Variants in CACNA1E observed in about 807,000 individuals in gnomAD.
CACNA1E encodes the protein calcium voltage-gated channel subunit alpha1 E, also known as voltage-dependent R-type calcium channel subunit alpha-1E.
Under a neutral mutation model 259.2 loss-of-function variants are expected in CACNA1E, and 40 were observed. The observed-to-expected ratio is 0.15, with a 90% confidence interval of 0.12 to 0.20. The LOEUF (loss-of-function observed/expected upper bound fraction) is 0.20. Ranked by LOEUF, CACNA1E falls within the 10% of genes least tolerant of loss-of-function variation. The probability of loss-of-function intolerance (pLI) is 1.00; values close to 1 mark genes in which losing one functional copy is unlikely to be tolerated. For synonymous variants in CACNA1E, 1,104 were observed against 1,138.5 expected (o/e 0.97, Z 0.61); for missense variants, 1,874 against 3,040.1 (o/e 0.62, Z 9.02).
intron 3 of CACNA1E, among the ~76,000 whole-genome samples, chr1:181,549,646 C>G (rs1371314301): frequency 6.6e-6 from 1 of 152,126 alleles, no homozygotes; most frequent in Non-Finnish European, 1.5e-5. Context: ...GGGGAGTTGC[C>G]CATGGGTTCC....
chr1:181,397,694 G>A (rs1316943035), intron 1 of CACNA1E, among the ~76,000 whole-genome samples: 4 of 152,202 alleles, frequency 2.6e-5, no homozygotes, highest in African/African-American at 4.8e-5. Flanking sequence ...CATCAGCGAT[G>A]CTTAGAATCC....
At chr1:181,342,969 G>A (rs1360275935) in intron 1 of CACNA1E, among the ~76,000 whole-genome samples, 2 of 152,104 alleles carry the variant, frequency 1.3e-5, no homozygotes, top group Admixed American at 6.6e-5. Flanking sequence ...AAGAGCCAGG[G>A]GAGAGGACTA....
chr1:181,616,577 G>A (rs1448872280), intron 6 of CACNA1E, among the ~76,000 whole-genome samples: 1 of 152,106 alleles, frequency 6.6e-6, no homozygotes, highest in Non-Finnish European at 1.5e-5. Context: ...AGCTGGGTGT[G>A]GTGGTGCACA....
intron 1 of CACNA1E, among the ~76,000 whole-genome samples, chr1:181,497,753 A>G (rs954039639): frequency 6.6e-6 from 1 of 152,212 alleles, no homozygotes; most frequent in Non-Finnish European, 1.5e-5. Context: ...CTAACAGAGT[A>G]TCTTTTTAGG....
At chr1:181,766,852 A>T (rs1426325430) in intron 35 of CACNA1E, among the ~76,000 whole-genome samples, 2 of 152,198 alleles carry the variant, frequency 1.3e-5, no homozygotes, top group Non-Finnish European at 2.9e-5. Context: ...TTGTCAGATC[A>T]TGGTGCTAAT....
At chr1:181,571,762 G>A (rs79219598) in intron 3 of CACNA1E, among the ~76,000 whole-genome samples, 62 of 152,256 alleles carry the variant, frequency 4.1e-4, no homozygotes, top group African/African-American at 1.3e-3. Flanking sequence ...TGTTGGTATC[G>A]ATATGGGTAA....
rs139097315 is a variant in CACNA1E, at chr1:181,438,551, A to G, written c.434+24971A>G. ...TAAATCATCAGGTGGGGAGTGGGAA[A>G]GTCTAAATCAAAGACTGTCATTCAG... On this transcript the variant is annotated intron_variant, in intron 2 of 11. Coordinates refer to the CACNA1E transcript ENST00000524607. 3.6e-4 allele frequency among the ~76,000 whole-genome samples: 55 copies of G among 152,318 alleles called. No homozygotes were observed. The East Asian group carries it at 9.1e-3, about 25-fold the overall frequency.
At chr1:181,649,798 A>G (rs1180887716) in intron 6 of CACNA1E, among the ~76,000 whole-genome samples, 1 of 152,208 alleles carries the variant, frequency 6.6e-6, no homozygotes, top group Non-Finnish European at 1.5e-5. Context: ...TGGGGGATAA[A>G]TGATGAGAAC....
intron 35 of CACNA1E, among the ~76,000 whole-genome samples, chr1:181,768,351 A>G (rs866908785): frequency 7.2e-5 from 11 of 152,332 alleles, no homozygotes; most frequent in Non-Finnish European, 1.6e-4. Flanking sequence ...GAGAGTGAGC[A>G]TGTCCAGGCA....
intron 3 of CACNA1E, among the ~76,000 whole-genome samples, chr1:181,525,716 CTG>C (rs1667302435): frequency 6.6e-6 from 1 of 152,198 alleles, no homozygotes; most frequent in Admixed American, 6.5e-5. Context: ...TAGTTATGAA[CTG>C]TGTGCAACTA....
At chr1:181,509,500 A>G (rs1395013694) in intron 1 of CACNA1E, among the ~76,000 whole-genome samples, 1 of 152,162 alleles carries the variant, frequency 6.6e-6, no homozygotes, top group Non-Finnish European at 1.5e-5. Flanking sequence ...GTTGCTCAGC[A>G]AGACCAGCTG....
chr1:181,777,584 G>A (rs1416980438), intron 38 of CACNA1E, among the ~76,000 whole-genome samples: 1 of 152,202 alleles, frequency 6.6e-6, no homozygotes, highest in African/African-American at 2.4e-5. Context: ...GCAATGGGCA[G>A]TGTGTTAGAG....
At chr1:181,477,645 C>T (rs56187136) in intron 2 of CACNA1E, among the ~76,000 whole-genome samples, 19,245 of 152,062 alleles carry the variant, frequency 0.13, 1,307 homozygotes, top group South Asian at 0.2. Context: ...CATGTCTCTG[C>T]TCCTCTGTCC....
intron 3 of CACNA1E, among the ~76,000 whole-genome samples, chr1:181,576,407 G>A (rs1460170584): frequency 6.6e-6 from 1 of 152,160 alleles, no homozygotes; most frequent in Non-Finnish European, 1.5e-5. Context: ...GTCAGTTACC[G>A]CTTGCGATTC....
At chr1:181,600,518 A>G (rs1653637194) in intron 6 of CACNA1E, among the ~76,000 whole-genome samples, 1 of 152,052 alleles carries the variant, frequency 6.6e-6, no homozygotes, top group Non-Finnish European at 1.5e-5. Context: ...CAGTGATTAG[A>G]TTGGGATGTG....
chr1:181,346,102 G>A (rs564719748), intron 1 of CACNA1E, among the ~76,000 whole-genome samples: 1 of 152,236 alleles, frequency 6.6e-6, no homozygotes, highest in Non-Finnish European at 1.5e-5. Flanking sequence ...CAGGACGGCA[G>A]GAGTGCTGGG....
intron 6 of CACNA1E, among the ~76,000 whole-genome samples, chr1:181,650,311 A>G (rs1407905906): frequency 6.6e-6 from 1 of 152,206 alleles, no homozygotes; most frequent in East Asian, 1.9e-4. Context: ...TAGGCATGGC[A>G]TTTGACTTTG....
chr1:181,332,884 C>T (rs1305229928), intron 1 of CACNA1E, among the ~76,000 whole-genome samples: 3 of 152,146 alleles, frequency 2.0e-5, no homozygotes, highest in Non-Finnish European at 4.4e-5. Flanking sequence ...CTACTTGTAG[C>T]CTGGGTGGAT....
chr1:181,780,448 G>A (rs1660326772), intron 38 of CACNA1E, among the ~76,000 whole-genome samples: 1 of 152,208 alleles, frequency 6.6e-6, no homozygotes, highest in African/African-American at 2.4e-5. Context: ...CCTGGTGCAA[G>A]TGGAGGGAAG....
Sources: allele counts gnomAD v4.1 joint callset (sites outside exome capture counted in the v4.1 genomes callset), GRCh38; gene constraint gnomAD v4.1.1; transcripts MANE v1.5; gene names NCBI Gene and HGNC (gene_info 2026-07-23, HGNC 2026-07-21).